GRIA4: variants seen among roughly 807,000 people sequenced by gnomAD.
GRIA4 encodes the protein glutamate receptor 4.
A neutral mutation model predicts 104.0 loss-of-function variants in GRIA4; 34 were observed. The ratio of observed to expected loss-of-function variants is 0.33; its 90% confidence interval spans 0.25 to 0.44. The LOEUF is 0.44. Ranked by LOEUF, GRIA4 falls within the 20% of genes least tolerant of loss-of-function variation. The pLI is 1.00. For synonymous variants in GRIA4, 386 were observed against 381.9 expected, an observed-to-expected ratio of 1.01 and a Z score of -0.13; for missense variants, 750 against 1,096.5, an observed-to-expected ratio of 0.68 and a Z score of 4.46.
chr11:105,625,893 A>G (rs1248892695), intron 3 of GRIA4, among the ~76,000 whole-genome samples: 2 of 152,108 alleles, frequency 1.3e-5, no homozygotes, highest in African/African-American at 4.8e-5. Flanking sequence ...GTTCACTCTT[A>G]AATTTTAATT....
At chr11:105,915,680 T>A (rs1025828661) in intron 10 of GRIA4, among the ~76,000 whole-genome samples, 4 of 152,222 alleles carry the variant, frequency 2.6e-5, no homozygotes, top group African/African-American at 9.6e-5. Context: ...ATATGAAGAA[T>A]TTCATTAAAT....
chr11:105,643,552 C>G (rs1352468205), intron 3 of GRIA4, among the ~76,000 whole-genome samples: 4 of 152,132 alleles, frequency 2.6e-5, no homozygotes, highest in African/African-American at 9.7e-5. Context: ...ATCCTTGGCT[C>G]TCTTTCGTTC....
intron 13 of GRIA4, among the ~76,000 whole-genome samples, chr11:105,929,537 A>G (rs961403772): frequency 2.0e-5 from 3 of 152,132 alleles, no homozygotes; most frequent in South Asian, 2.1e-4. Flanking sequence ...GTACTTTCAC[A>G]TTATCACACA....
chr11:105,905,388 G>T, intron 9 of GRIA4, 87 bp downstream of exon 9: 1 of 715,088 alleles, frequency 1.4e-6, no homozygotes. Context: ...AAAGATGGCT[G>T]AACATTTCCT....
chr11:105,748,704 C>CT (rs1406881287), intron 3 of GRIA4, among the ~76,000 whole-genome samples: 2 of 152,066 alleles, frequency 1.3e-5, no homozygotes, highest in Admixed American at 6.6e-5. Flanking sequence ...TTTTGTGATA[C>CT]TTTAATAGTC....
chr11:105,969,144 C>G (rs1280113632), intron 14 of GRIA4, among the ~76,000 whole-genome samples: 1 of 152,134 alleles, frequency 6.6e-6, no homozygotes, highest in Non-Finnish European at 1.5e-5. Context: ...GATAATTTGG[C>G]CCTTTGAAGA....
intron 4 of GRIA4, among the ~76,000 whole-genome samples, chr11:105,757,246 T>C (rs1004116728): frequency 1.2e-4 from 18 of 152,204 alleles, no homozygotes; most frequent in African/African-American, 4.3e-4. Flanking sequence ...GGGTTATGTG[T>C]CCGGCTCCTT....
intron 3 of GRIA4, among the ~76,000 whole-genome samples, chr11:105,678,751 T>C (rs147914794): frequency 1.3e-5 from 2 of 152,260 alleles, no homozygotes; most frequent in African/African-American, 2.4e-5. Flanking sequence ...AAACTCTGAA[T>C]AAGTTATTCC....
Position 105,698,553 on chromosome 11 carries a change from C to G in GRIA4, c.248-54428C>G, listed in dbSNP as rs553671012. On this transcript the variant is annotated intron_variant, in intron 3 of 16. Coordinates refer to ENST00000282499, the MANE Select transcript of GRIA4 (RefSeq NM_000829.4). Reference sequence around the variant, plus strand: ...CAATGAACTGCTTTGCAATGAGACACGAAAGGAATCAAATCAACGTAGAAG... The same window carrying G: ...CAATGAACTGCTTTGCAATGAGACAGGAAAGGAATCAAATCAACGTAGAAG... Among the ~76,000 whole-genome samples, 24 of 152,172 alleles carry G rather than the reference C, an allele frequency of 1.6e-4. 1 individual carries two copies. The highest frequency in any genetic ancestry group is 1.3e-4 in the Admixed American group (2 of 15,264).
chr11:105,618,577 A>C (rs1950659849), intron 3 of GRIA4, among the ~76,000 whole-genome samples: 1 of 152,034 alleles, frequency 6.6e-6, no homozygotes, highest in Non-Finnish European at 1.5e-5. Flanking sequence ...GTAAAGAAGC[A>C]ACACACAGAA....
chr11:105,910,556 G>T lies in GRIA4; in HGVS notation c.1269+11G>T, dbSNP rs201734914. The T allele has an allele frequency of 2.2e-6, 3 of 1,340,268 alleles. No homozygotes were observed. The highest frequency in any genetic ancestry group is 2.3e-5 in the East Asian group (1 of 43,574). 83.0% of individuals were successfully genotyped at this position (1,340,268 alleles called of 1,614,324 possible). The stretch of plus-strand genomic sequence containing the variant: ...GTAACCACAATTATGGTAAGTGTTG[G>T]TCTATGCTTTATGGTGTTCCGTTTT... On this transcript the variant is annotated intron_variant, in intron 10 of 16. Coordinates refer to ENST00000282499, the MANE Select transcript of GRIA4 (RefSeq NM_000829.4).
At chr11:105,647,328 G>A (rs1348694904) in intron 3 of GRIA4, among the ~76,000 whole-genome samples, 2 of 152,008 alleles carry the variant, frequency 1.3e-5, no homozygotes, top group Non-Finnish European at 2.9e-5. Context: ...AACGGAACAC[G>A]TATACATTGT....
Position 105,674,054 on chromosome 11 carries a change from T to A in GRIA4, c.247+61620T>A, listed in dbSNP as rs575089517. ...TCAACTTGAAGTTACATTTTGCATA[T>A]CAAGTAGAACTTGTTATTTGCCTGC... is the stretch of plus-strand genomic sequence containing the variant. On this transcript the variant is annotated intron_variant, in intron 3 of 16. Transcript: ENST00000282499. Among the ~76,000 whole-genome samples, 130 of 152,154 alleles carry A rather than the reference T, an allele frequency of 8.5e-4. 3 individuals are homozygous for A. In the South Asian group the frequency reaches 0.025, roughly 30 times the overall value.
chr11:105,732,483 T>C (rs1048862936), intron 3 of GRIA4, among the ~76,000 whole-genome samples: 2 of 152,032 alleles, frequency 1.3e-5, no homozygotes, highest in South Asian at 2.1e-4. Flanking sequence ...TAGGGAGAAG[T>C]GTGGTCTGCT....
chr11:105,953,546 G>C (rs749912636), intron 14 of GRIA4, among the ~76,000 whole-genome samples: 3 of 152,140 alleles, frequency 2.0e-5, no homozygotes, highest in Non-Finnish European at 4.4e-5. Context: ...TCTATGTAGA[G>C]TTGGTTATTC....
chr11:105,753,134 T>C lies in GRIA4; in HGVS notation c.401T>C (p.Leu134Pro). Residue 134 changes from leucine (L) to proline (P), a missense_variant, in exon 4 of 17, where the codon CTA becomes CCA. Around this residue, in one of 3 missense-constraint regions of GRIA4, gnomAD observed 410 missense variants for 502.7 expected, o/e 0.82. Transcript: ENST00000282499. ...GGGGAGAGCCAGTTTGTGCTGCAAC[T>C]AAGACCTTCGTTACGAGGAGCACTC... ...TEGESQFVLQ[L>P]RPSLRGALLS... is the part of the protein sequence containing the mutation. The C allele has an allele frequency of 6.2e-7, 1 of 1,613,728 alleles. No individual in the cohort carries two copies. The highest frequency in any genetic ancestry group is 8.5e-7 in the Non-Finnish European group (1 of 1,179,688).
chr11:105,664,279 G>A (rs1304106368), intron 3 of GRIA4, among the ~76,000 whole-genome samples: 1 of 150,340 alleles, frequency 6.7e-6, no homozygotes, highest in Non-Finnish European at 1.5e-5. Flanking sequence ...GAAAAAAGAA[G>A]TGCAAATGAA....
chr11:105,849,453 A>G (rs897247128), intron 4 of GRIA4, among the ~76,000 whole-genome samples: 2 of 152,168 alleles, frequency 1.3e-5, no homozygotes, highest in Non-Finnish European at 2.9e-5. Context: ...ATAATAATAA[A>G]TCTACAGATC....
chr11:105,898,434 G>A lies in GRIA4; in HGVS notation c.885+7G>A. The A allele has an allele frequency of 1.3e-6, 2 of 1,517,302 alleles. No individual in the cohort carries two copies. Among genetic ancestry groups the A allele is most frequent in the Non-Finnish European group, 1.8e-6 (2 of 1,097,866 alleles). The allele number at this position is 1,517,302 out of a possible 1,614,324, so 94.0% of individuals were successfully genotyped here. ...ATCTGAGACTCCTCCAAAGGTATTT[G>A]TTTATTTTTATCTACTGTATTACTG... On this transcript the variant is annotated splice_region_variant and intron_variant, in intron 7 of 16. Transcript: ENST00000282499.
Sources: gnomAD v4.1 joint callset for allele counts (sites outside exome capture counted in the v4.1 genomes callset) on GRCh38, gnomAD v4.1.1 for gene constraint, gnomAD v4.1.1 regional missense constraint, MANE v1.5 for transcripts, NCBI Gene and HGNC (gene_info 2026-07-23, HGNC 2026-07-21) for gene names.